CIMIP1: variants seen among roughly 807,000 people sequenced by gnomAD.
CIMIP1 encodes the protein ciliary microtubule inner protein 1, also known as low in lung cancer 1.
At chr20:58,158,948 C>G in the CIMIP1 span, among the ~76,000 whole-genome samples, 2 of 152,258 alleles carry the variant, frequency 1.3e-5, no homozygotes, top group Non-Finnish European at 2.9e-5. Flanking sequence ...AGAAGTTTGT[C>G]TCATCCTTCT....
the CIMIP1 span, among the ~76,000 whole-genome samples, chr20:58,152,102 G>A: frequency 1.3e-5 from 2 of 152,080 alleles, no homozygotes; most frequent in South Asian, 4.1e-4. Flanking sequence ...GTTTTCACTT[G>A]ATGATTTTAT....
the CIMIP1 span, chr20:58,155,610 A>AT: frequency 6.6e-7 from 1 of 1,522,052 alleles, no homozygotes. Context: ...TAAAATACTC[A>AT]TTTTCCTAAG....
the CIMIP1 span, chr20:58,160,975 G>C: frequency 1.3e-6 from 1 of 789,008 alleles, no homozygotes; most frequent in Non-Finnish European, 1.9e-6. Context: ...GTGTGCCTTA[G>C]ACATTCTCAA....
the CIMIP1 span, among the ~76,000 whole-genome samples, chr20:58,160,333 T>C: frequency 6.6e-6 from 1 of 152,252 alleles, no homozygotes; most frequent in Non-Finnish European, 1.5e-5. Flanking sequence ...GTGCCATATA[T>C]TTTATAAAAG....
chr20:58,159,282 A>G, the CIMIP1 span, among the ~76,000 whole-genome samples: 10 of 146,382 alleles, frequency 6.8e-5, no homozygotes, highest in Admixed American at 4.3e-4. Context: ...TTGGGAAGCC[A>G]AGGCAGGTGG....
the CIMIP1 span, chr20:58,153,495 C>G: frequency 6.9e-7 from 1 of 1,455,682 alleles, no homozygotes; most frequent in African/African-American, 1.4e-5. Flanking sequence ...CCACAGACCC[C>G]TTGAACCTTT....
chr20:58,159,183 C>CTTTTTTTT, the CIMIP1 span, among the ~76,000 whole-genome samples: 63 of 104,042 alleles, frequency 6.1e-4, 1 homozygote, highest in East Asian at 7.8e-4. Flanking sequence ...GCACTTTCTT[C>CTTTTTTTT]TTTTTTTTTT....
chr20:58,152,426 T>TA, the CIMIP1 span, among the ~76,000 whole-genome samples: 5 of 113,078 alleles, frequency 4.4e-5, no homozygotes, highest in East Asian at 3.8e-3. Flanking sequence ...GATGATTTAT[T>TA]TAAAAAAAAA....
chr20:58,159,242 A>C, the CIMIP1 span, among the ~76,000 whole-genome samples: 1 of 131,422 alleles, frequency 7.6e-6, no homozygotes, highest in African/African-American at 2.9e-5. Context: ...CAGGCTGGGC[A>C]TGATGGCTCA....
the CIMIP1 span, among the ~76,000 whole-genome samples, chr20:58,154,123 T>C: frequency 2.0e-5 from 3 of 152,226 alleles, no homozygotes; most frequent in South Asian, 6.2e-4. Flanking sequence ...TGAGGGATTC[T>C]TGGGAAAATG....
the CIMIP1 span, among the ~76,000 whole-genome samples, chr20:58,157,830 A>AAC: frequency 6.6e-6 from 1 of 152,240 alleles, no homozygotes; most frequent in African/African-American, 2.4e-5. Context: ...TGTGGCCTAG[A>AAC]ACACTGGGCT....
chr20:58,152,255 C>G, the CIMIP1 span, among the ~76,000 whole-genome samples: 1 of 152,026 alleles, frequency 6.6e-6, no homozygotes, highest in Non-Finnish European at 1.5e-5. Flanking sequence ...TCTGAAATGC[C>G]CCTTCCTCTC....
At chr20:58,155,892 G>A in the CIMIP1 span, among the ~76,000 whole-genome samples, 1 of 152,320 alleles carries the variant, frequency 6.6e-6, no homozygotes, top group Admixed American at 6.5e-5. Flanking sequence ...CCCAGGCAGG[G>A]ACTCTGGAAT....
chr20:58,160,570 T>C, the CIMIP1 span: 44 of 1,398,998 alleles, frequency 3.1e-5, no homozygotes, highest in Middle Eastern at 2.4e-4. Flanking sequence ...CTTTTCTTTC[T>C]GTCTTTTCCA....
chr20:58,153,502 CT>C, the CIMIP1 span: 22 of 1,519,730 alleles, frequency 1.4e-5, no homozygotes, highest in Non-Finnish European at 2.0e-5. Flanking sequence ...CCCCTTGAAC[CT>C]TTTTCCGTGT....
chr20:58,152,322 C>T, the CIMIP1 span, among the ~76,000 whole-genome samples: 2 of 152,212 alleles, frequency 1.3e-5, no homozygotes, highest in South Asian at 2.1e-4. Flanking sequence ...AGTGACCCCT[C>T]CTCTTTGAAT....
chr20:58,151,865 A>T, the CIMIP1 span, among the ~76,000 whole-genome samples: 4 of 152,178 alleles, frequency 2.6e-5, no homozygotes, highest in Non-Finnish European at 5.9e-5. Flanking sequence ...TCTAGCAGAC[A>T]TTTGTCGTGG....
the CIMIP1 span, among the ~76,000 whole-genome samples, chr20:58,153,954 A>G: frequency 1.3e-5 from 2 of 152,186 alleles, no homozygotes; most frequent in African/African-American, 4.8e-5. Context: ...GACCCTACTC[A>G]GGTGAGAAGC....
At chr20:58,157,280 G>A in the CIMIP1 span, among the ~76,000 whole-genome samples, 110 of 152,148 alleles carry the variant, frequency 7.2e-4, no homozygotes, top group African/African-American at 2.5e-3. Flanking sequence ...CTGCAGCCCC[G>A]GATATTATCA....
Sources: allele counts gnomAD v4.1 joint callset (sites outside exome capture counted in the v4.1 genomes callset), GRCh38; gene constraint gnomAD v4.1.1; transcripts MANE v1.5; gene names NCBI Gene and HGNC (gene_info 2026-07-23, HGNC 2026-07-21).